The following NCOR1 variants were observed in gnomAD, a reference collection of about 807,000 sequenced individuals.
NCOR1 encodes protein phosphatase 1, regulatory subunit 109.
In NCOR1, 63 loss-of-function variants were observed where a neutral mutation model predicts 288.1. The observed-to-expected ratio is 0.22, with a 90% CI of 0.18 to 0.27. The LOEUF (loss-of-function observed/expected upper bound fraction) is 0.27. Ranked by LOEUF, NCOR1 falls within the 10% of genes least tolerant of loss-of-function variation. NCOR1 has a pLI of 1.00. For synonymous variants in NCOR1, 1,007 were observed against 1,065.9 expected (o/e 0.94, Z 1.08); for missense variants, 2,397 against 3,019.2 (o/e 0.79, Z 4.83).
chr17:16,209,615 A>G (rs76346906), intron 1 of NCOR1, among the ~76,000 whole-genome samples: 5,709 of 146,630 alleles, frequency 0.039, 117 homozygotes, highest in East Asian at 0.07. Flanking sequence ...GAAAATGAAT[A>G]TTACAAATAA....
At chr17:16,186,516 T>C in intron 3 of NCOR1, 38 bp downstream of exon 3, 1 of 1,589,184 alleles carries the variant, frequency 6.3e-7, no homozygotes, top group Non-Finnish European at 8.6e-7. Context: ...ACTTCACAAT[T>C]ATAATCCTAG....
At chr17:16,136,895 G>A (rs970736708) in intron 14 of NCOR1, among the ~76,000 whole-genome samples, 1 of 151,512 alleles carries the variant, frequency 6.6e-6, no homozygotes, top group African/African-American at 2.4e-5. Flanking sequence ...TCAGGTTCCA[G>A]GTTTTTGTAA....
intron 5 of NCOR1, among the ~76,000 whole-genome samples, chr17:16,161,483 G>A (rs1177617901): frequency 3.9e-5 from 6 of 151,990 alleles, no homozygotes; most frequent in Admixed American, 1.3e-4. Flanking sequence ...TTTAGTAGAG[G>A]TGGGGTTTTG....
intron 26 of NCOR1, among the ~76,000 whole-genome samples, chr17:16,078,514 T>A (rs2062878886): frequency 6.6e-6 from 1 of 152,132 alleles, no homozygotes; most frequent in South Asian, 2.1e-4. Flanking sequence ...TTTACTTTCC[T>A]CTGTCCATAT....
chr17:16,179,186 C>A, intron 3 of NCOR1, among the ~76,000 whole-genome samples: 1 of 151,446 alleles, frequency 6.6e-6, no homozygotes, highest in Admixed American at 6.6e-5. Context: ...AAATCAGGTA[C>A]CTTATAAAAT....
At chr17:16,059,853 C>T (rs1079498) in intron 37 of NCOR1, among the ~76,000 whole-genome samples, 1 of 152,170 alleles carries the variant, frequency 6.6e-6, no homozygotes, top group African/African-American at 2.4e-5. Context: ...CTGCAGCTAC[C>T]TGGGTTCTAG....
intron 1 of NCOR1, among the ~76,000 whole-genome samples, chr17:16,209,528 C>A (rs531542625): frequency 3.1e-4 from 47 of 150,834 alleles, no homozygotes; most frequent in Admixed American, 8.6e-4. Flanking sequence ...CAAGACCAGG[C>A]TGGGCAAAAC....
intron 14 of NCOR1, among the ~76,000 whole-genome samples, chr17:16,132,740 T>G (rs969958707): frequency 8.5e-5 from 13 of 152,108 alleles, no homozygotes; most frequent in African/African-American, 3.1e-4. Context: ...TAGCAACAGG[T>G]TTTAAAAAAT....
At chr17:16,065,807 G>T in intron 32 of NCOR1, 113 bp from the exon 33 acceptor site, 1 of 893,732 alleles carries the variant, frequency 1.1e-6, no homozygotes, top group Non-Finnish European at 1.8e-6. Flanking sequence ...AGTGCACATG[G>T]AACTTTTACT....
In NCOR1 at chr17:16,146,537, G is replaced by A; in HGVS notation, c.921C>T (p.Ile307=). ...NHARKQREQK[I]CQRYDQLMEA... The stretch of plus-strand genomic sequence containing the variant: ...CCATGAGCTGATCATAACGCTGGCA[G>A]ATTTTTTGTTCCTATTAAATATCCG... The change falls in exon 10 of 46, where the codon ATC becomes ATT. Residue 307 remains isoleucine, a synonymous_variant. Transcript: ENST00000268712. 6.3e-7 allele frequency: 1 copy of A among 1,580,450 alleles called. No individual in the cohort carries two copies. The highest frequency in any genetic ancestry group is 8.6e-7 in the Non-Finnish European group (1 of 1,169,484).
chr17:16,211,430 G>C (rs2092118894), intron 1 of NCOR1, among the ~76,000 whole-genome samples: 1 of 151,852 alleles, frequency 6.6e-6, no homozygotes, highest in African/African-American at 2.4e-5. Context: ...GATGGGACTC[G>C]CTCTGTTGTG....
At position 16,126,213 on chromosome 17, in the gene NCOR1, G is replaced by C; in HGVS notation, c.1510-7C>G. 6.6e-7 allele frequency: 1 copy of C among 1,508,390 alleles called. No individual in the cohort carries two copies. Among genetic ancestry groups the C allele is most frequent in the Non-Finnish European group, 8.8e-7 (1 of 1,134,126 alleles). The allele number at this position is 1,508,390 out of a possible 1,614,324, so 93.4% of individuals were successfully genotyped here. A position where few individuals can be genotyped will look rare whatever the true frequency, so the allele number is the denominator to read the frequency against. On this transcript the variant is annotated splice_polypyrimidine_tract_variant and splice_region_variant and intron_variant, in intron 14 of 45. Transcript: ENST00000268712. ...GCGAGGGTCGAGCAATTTGCTGCTA[G>C]AATGAACCATCATTTGTAAAATTCA...
At chr17:16,179,688 G>C (rs949785028) in intron 3 of NCOR1, among the ~76,000 whole-genome samples, 3 of 152,112 alleles carry the variant, frequency 2.0e-5, no homozygotes, top group African/African-American at 7.2e-5. Context: ...AACAAAACTA[G>C]AGGCCAATCT....
In NCOR1 at chr17:16,032,297, C is replaced by A; in HGVS notation, c.7322G>T (p.Ter2441LeuextTer15). Residue 2441 changes from the stop codon to leucine, a stop_lost, in exon 46 of 46, where the codon TGA becomes TTA. Coordinates refer to ENST00000268712, the MANE Select transcript of NCOR1 (RefSeq NM_006311.4). ...CCTGTTCCCCTCACTTTGTGCAGTTCAGTCATCACTATCCGACAGGGTCTC... is the reference window on the plus strand; with the variant it reads ...CCTGTTCCCCTCACTTTGTGCAGTTAAGTCATCACTATCCGACAGGGTCTC... ...QYETLSDSDD[*>L] is the part of the protein sequence containing the mutation. The A allele has an allele frequency of 6.2e-7, 1 of 1,610,072 alleles. No homozygotes were observed. The highest frequency in any genetic ancestry group is 1.1e-5 in the South Asian group (1 of 90,096).
chr17:16,154,033 T>A (rs1465180555), intron 6 of NCOR1, among the ~76,000 whole-genome samples: 3 of 143,096 alleles, frequency 2.1e-5, no homozygotes, highest in East Asian at 2.0e-4. Flanking sequence ...TTTTTTTTTT[T>A]TTTTTTTATT....
intron 37 of NCOR1, among the ~76,000 whole-genome samples, chr17:16,061,032 G>A (rs1826473586): frequency 6.6e-6 from 1 of 152,036 alleles, no homozygotes; most frequent in Non-Finnish European, 1.5e-5. Context: ...GAGGCTTTGG[G>A]GTATTGGCAT....
At chr17:16,213,730 G>A (rs987342877) in intron 1 of NCOR1, among the ~76,000 whole-genome samples, 3 of 152,104 alleles carry the variant, frequency 2.0e-5, no homozygotes, top group African/African-American at 7.2e-5. Context: ...CCAACCCTAG[G>A]AGAGTAGATG....
intron 6 of NCOR1, among the ~76,000 whole-genome samples, chr17:16,157,629 T>G (rs1269581186): frequency 6.6e-6 from 1 of 152,106 alleles, no homozygotes. Flanking sequence ...TCACTACAAA[T>G]CAAATCAATC....
At chr17:16,122,458 CA>C (rs2073193322) in intron 15 of NCOR1, among the ~76,000 whole-genome samples, 1 of 152,200 alleles carries the variant, frequency 6.6e-6, no homozygotes, top group South Asian at 2.1e-4. Flanking sequence ...CAATGACTTG[CA>C]AACTGCAAAA....
Sources: allele counts gnomAD v4.1 joint callset (sites outside exome capture counted in the v4.1 genomes callset), GRCh38; gene constraint gnomAD v4.1.1; transcripts MANE v1.5; gene names NCBI Gene and HGNC (gene_info 2026-07-23, HGNC 2026-07-21).